The following NKAIN3 variants were observed in gnomAD, a reference collection of about 807,000 sequenced individuals.
The protein encoded by NKAIN3 is sodium/potassium-transporting ATPase subunit beta-1-interacting protein 3.
In NKAIN3, 25 loss-of-function variants were observed where a neutral mutation model predicts 30.2. The ratio of observed to expected loss-of-function variants is 0.83; its 90% CI spans 0.60 to 1.16. The LOEUF is 1.16. NKAIN3 is among the 50% of genes most tolerant of loss of function. The pLI is 0.00. For missense variants in NKAIN3, 225 were observed against 254.1 expected (o/e 0.89, Z 0.78); for synonymous variants, 91 against 89.6 (o/e 1.02, Z -0.09).
chr8:62,348,140 G>A (rs960034256), intron 1 of NKAIN3, among the ~76,000 whole-genome samples: 3 of 152,040 alleles, frequency 2.0e-5, no homozygotes, highest in Admixed American at 1.3e-4. Flanking sequence ...GTGAATTTAA[G>A]CAGCTATCAA....
intron 4 of NKAIN3, among the ~76,000 whole-genome samples, chr8:62,858,590 G>A (rs562838446): frequency 6.6e-6 from 1 of 152,202 alleles, no homozygotes. Flanking sequence ...CACCCAATGA[G>A]GGGGAATGGT....
intron 3 of NKAIN3, among the ~76,000 whole-genome samples, chr8:62,715,162 C>G (rs1164626347): frequency 6.6e-6 from 1 of 152,128 alleles, no homozygotes; most frequent in East Asian, 1.9e-4. Flanking sequence ...ATCACAAGAA[C>G]AGCAAGAGGG....
intron 4 of NKAIN3, among the ~76,000 whole-genome samples, chr8:62,884,335 C>A (rs1402306186): frequency 6.6e-6 from 1 of 151,812 alleles, no homozygotes; most frequent in Non-Finnish European, 1.5e-5. Context: ...CTCGGCTCAC[C>A]ACAACCTCTG....
At chr8:62,964,824 C>A (rs1823662320) in intron 6 of NKAIN3, among the ~76,000 whole-genome samples, 1 of 151,784 alleles carries the variant, frequency 6.6e-6, no homozygotes, top group African/African-American at 2.4e-5. Context: ...AAAAAAAACA[C>A]CTTTACAGCG....
chr8:62,631,034 A>G (rs946587313), intron 3 of NKAIN3, among the ~76,000 whole-genome samples: 3 of 152,040 alleles, frequency 2.0e-5, no homozygotes, highest in African/African-American at 7.2e-5. Context: ...TTACTACCCA[A>G]AGAAAGGGAC....
At chr8:62,346,847 C>T (rs1474288890) in intron 1 of NKAIN3, among the ~76,000 whole-genome samples, 1 of 152,082 alleles carries the variant, frequency 6.6e-6, no homozygotes. Context: ...TCACAAGGTA[C>T]TTGGAATGGG....
intron 3 of NKAIN3, among the ~76,000 whole-genome samples, chr8:62,607,307 G>A (rs949788760): frequency 5.9e-5 from 9 of 152,238 alleles, no homozygotes; most frequent in South Asian, 2.1e-4. Context: ...CCCAGAGACC[G>A]TCTATATTTC....
At chr8:62,257,154 A>ACAGTG (rs1812287696) in intron 1 of NKAIN3, among the ~76,000 whole-genome samples, 1 of 152,172 alleles carries the variant, frequency 6.6e-6, no homozygotes, top group Non-Finnish European at 1.5e-5. Flanking sequence ...CAGTATTATT[A>ACAGTG]ACTATAGTCA....
intron 4 of NKAIN3, among the ~76,000 whole-genome samples, chr8:62,800,049 G>A (rs890986717): frequency 1.2e-4 from 18 of 152,204 alleles, no homozygotes; most frequent in African/African-American, 4.1e-4. Flanking sequence ...GGACTTGGGG[G>A]AAAGACTGGG....
intron 1 of NKAIN3, among the ~76,000 whole-genome samples, chr8:62,550,541 C>G (rs972445277): frequency 1.3e-5 from 2 of 152,172 alleles, no homozygotes; most frequent in Non-Finnish European, 2.9e-5. Flanking sequence ...GAGACATTCT[C>G]TATGAACAAT....
intron 4 of NKAIN3, among the ~76,000 whole-genome samples, chr8:62,891,949 A>G (rs553182168): frequency 6.6e-6 from 1 of 152,256 alleles, no homozygotes; most frequent in Non-Finnish European, 1.5e-5. Flanking sequence ...GCTGAAAACT[A>G]TTTGAGAATC....
intron 1 of NKAIN3, among the ~76,000 whole-genome samples, chr8:62,386,024 G>T (rs1235639631): frequency 6.6e-6 from 1 of 152,176 alleles, no homozygotes; most frequent in Non-Finnish European, 1.5e-5. Flanking sequence ...TCCTCCACAT[G>T]GTGGTCTCAG....
chr8:62,396,170 A>G (rs116002489), intron 1 of NKAIN3, among the ~76,000 whole-genome samples: 108 of 152,314 alleles, frequency 7.1e-4, no homozygotes, highest in African/African-American at 2.4e-3. Flanking sequence ...ACACACATGC[A>G]CACACACACT....
At chr8:62,941,366 C>T (rs1279055292) in intron 5 of NKAIN3, among the ~76,000 whole-genome samples, 2 of 151,970 alleles carry the variant, frequency 1.3e-5, no homozygotes, top group African/African-American at 4.8e-5. Flanking sequence ...TTCCACAAGA[C>T]AGAGAAAGAA....
chr8:62,400,896 A>G (rs968133635), intron 1 of NKAIN3, among the ~76,000 whole-genome samples: 1 of 152,058 alleles, frequency 6.6e-6, no homozygotes, highest in African/African-American at 2.4e-5. Flanking sequence ...CTTCAGATAG[A>G]CTTACTTAGG....
At chr8:62,609,477 T>G (rs576207531) in intron 3 of NKAIN3, among the ~76,000 whole-genome samples, 3 of 152,308 alleles carry the variant, frequency 2.0e-5, no homozygotes, top group Admixed American at 6.5e-5. Flanking sequence ...CAGACACATT[T>G]GTTCAACAAG....
At chr8:62,465,005 T>C (rs1353114321) in intron 1 of NKAIN3, among the ~76,000 whole-genome samples, 1 of 152,176 alleles carries the variant, frequency 6.6e-6, no homozygotes, top group African/African-American at 2.4e-5. Flanking sequence ...CTAAGTGACA[T>C]TTTGCCTATT....
chr8:62,646,689 A>G (rs778764003), intron 3 of NKAIN3, among the ~76,000 whole-genome samples: 3 of 152,164 alleles, frequency 2.0e-5, no homozygotes, highest in Non-Finnish European at 2.9e-5. Flanking sequence ...GTAACCCTAA[A>G]AATCACCATC....
chr8:62,588,151 A>G (rs1316564892), intron 2 of NKAIN3, among the ~76,000 whole-genome samples: 1 of 151,750 alleles, frequency 6.6e-6, no homozygotes, highest in Non-Finnish European at 1.5e-5. Flanking sequence ...ATATACTTAT[A>G]ATTAGATTTA....
Sources: allele counts gnomAD v4.1 joint callset (sites outside exome capture counted in the v4.1 genomes callset), GRCh38; gene constraint gnomAD v4.1.1; transcripts MANE v1.5; gene names NCBI Gene and HGNC (gene_info 2026-07-23, HGNC 2026-07-21).